The following IQGAP1 variants were observed in gnomAD, a reference collection of about 807,000 sequenced individuals.
The protein encoded by IQGAP1 is IQ motif containing GTPase activating protein 1.
Under a neutral mutation model 215.6 loss-of-function variants are expected in IQGAP1, and 66 were observed. The ratio of observed to expected loss-of-function variants is 0.31; its 90% CI spans 0.25 to 0.38. The LOEUF (loss-of-function observed/expected upper bound fraction) is 0.38, where lower values mean the gene tolerates loss of function less well. IQGAP1 is among the 10% of genes least tolerant of loss of function. IQGAP1 has a pLI of 1.00. For synonymous variants in IQGAP1, 772 were observed against 728.7 expected, an observed-to-expected ratio of 1.06 and a Z score of -0.96; for missense variants, 1,712 against 1,997.1, an observed-to-expected ratio of 0.86 and a Z score of 2.72.
chr15:90,425,138 C>T (rs140958786), intron 2 of IQGAP1, among the ~76,000 whole-genome samples: 2 of 152,044 alleles, frequency 1.3e-5, no homozygotes, highest in African/African-American at 4.8e-5. Context: ...GACGAAGCCC[C>T]GTCTCTACTA....
chr15:90,495,262 A>T (rs1289665659), intron 36 of IQGAP1, among the ~76,000 whole-genome samples: 1 of 152,176 alleles, frequency 6.6e-6, no homozygotes, highest in East Asian at 1.9e-4. Flanking sequence ...TGGACCTGAC[A>T]TGTCATCCTC....
intron 11 of IQGAP1, among the ~76,000 whole-genome samples, 162 bp downstream of exon 11, chr15:90,449,805 G>A (rs573522409): frequency 9.2e-5 from 14 of 152,294 alleles, no homozygotes; most frequent in African/African-American, 3.4e-4. Flanking sequence ...GTTTGTTGTT[G>A]TGGTGGTTTT....
At chr15:90,414,316 C>T (rs1290089526) in intron 2 of IQGAP1, among the ~76,000 whole-genome samples, 1 of 151,968 alleles carries the variant, frequency 6.6e-6, no homozygotes, top group Non-Finnish European at 1.5e-5. Context: ...GAAACCTTGT[C>T]TCCATTATAA....
intron 2 of IQGAP1, 42 bp downstream of exon 2, chr15:90,390,915 C>A: frequency 8.7e-7 from 1 of 1,153,128 alleles, no homozygotes; most frequent in Non-Finnish European, 1.3e-6. Context: ...GAGAAGGGAA[C>A]TGATAATAGT....
chr15:90,493,412 G>T (rs1966232763), intron 35 of IQGAP1, among the ~76,000 whole-genome samples: 1 of 152,162 alleles, frequency 6.6e-6, no homozygotes, highest in Non-Finnish European at 1.5e-5. Context: ...GCTGAGGAAA[G>T]TCTGATCCAG....
At chr15:90,451,219 ACTGT>A (rs1160190437) in intron 11 of IQGAP1, among the ~76,000 whole-genome samples, 2 of 152,094 alleles carry the variant, frequency 1.3e-5, no homozygotes, top group South Asian at 2.1e-4. Context: ...TATTGAAGAG[ACTGT>A]CTGTCTCAGC....
At position 90,471,088 on chromosome 15, in the gene IQGAP1, C is replaced by T. The variant is rs116153186; in HGVS notation, c.2179-1752C>T. On this transcript the variant is annotated intron_variant, in intron 18 of 37. Coordinates refer to ENST00000268182, the MANE Select transcript of IQGAP1 (RefSeq NM_003870.4). ...CCTTTTCCCCACCACCAGGTTTTTG[C>T]CCTTCATTTTGCAGTCCAGAAGTCC... Among the ~76,000 whole-genome samples, 721 of 152,154 alleles carry T rather than the reference C, an allele frequency of 4.7e-3. 7 individuals carry two copies. The highest frequency in any genetic ancestry group is 0.017 in the African/African-American group (707 of 41,498).
At position 90,467,728 on chromosome 15, in the gene IQGAP1, A is replaced by G. The variant is rs559728874; in HGVS notation, c.2178+136A>G. The G allele has an allele frequency of 3.7e-6, 3 of 809,944 alleles. No homozygotes were observed. The Admixed American group carries it at 1.0e-4, about 28-fold the overall frequency. The allele number at this position is 809,944 out of a possible 1,614,324, so 50.2% of individuals were successfully genotyped here. A position where few individuals can be genotyped will look rare whatever the true frequency, so the allele number is the denominator to read the frequency against. ...GTTATGTAATGAGCTGTTTTGCGGT[A>G]ATTTTTTTGTAGTAGTTGGGGGAGT... is the stretch of plus-strand genomic sequence containing the variant. On this transcript the variant is annotated intron_variant, in intron 18 of 37. Coordinates refer to ENST00000268182, the MANE Select transcript of IQGAP1 (RefSeq NM_003870.4).
chr15:90,401,739 T>C (rs935888475), intron 2 of IQGAP1, among the ~76,000 whole-genome samples: 1 of 152,248 alleles, frequency 6.6e-6, no homozygotes, highest in Admixed American at 6.5e-5. Flanking sequence ...TGATCCAGAT[T>C]TCAGGTTTGG....
At chr15:90,418,095 T>A (rs1965078948) in intron 2 of IQGAP1, among the ~76,000 whole-genome samples, 1 of 152,100 alleles carries the variant, frequency 6.6e-6, no homozygotes, top group South Asian at 2.1e-4. Flanking sequence ...TACCAGAGAG[T>A]AATTCCCTTG....
At chr15:90,473,244 CTG>C (rs554130203) in intron 19 of IQGAP1, among the ~76,000 whole-genome samples, 101 of 152,272 alleles carry the variant, frequency 6.6e-4, no homozygotes, top group Middle Eastern at 6.8e-3. Flanking sequence ...TCTTCTAAGA[CTG>C]TACCTTTCTG....
rs1340507279 is a variant in IQGAP1 at position 90,456,212 on chromosome 15, T to G, written c.1673T>G (p.Leu558Arg). 1 of 1,614,150 alleles carries G rather than the reference T, an allele frequency of 6.2e-7. No individual in the cohort carries two copies. The highest frequency in any genetic ancestry group is 8.5e-7 in the Non-Finnish European group (1 of 1,180,008). The stretch of plus-strand genomic sequence containing the variant: ...GATGAAGGTGATGCCCAAAAGACTC[T>G]GCAGGCCCTACAGATTCCTGCAGCT... The part of the protein sequence containing the change: ...ALDEGDAQKT[L>R]QALQIPAAKL... Residue 558 changes from leucine to arginine, a missense_variant, in exon 15 of 38, where the codon CTG (leucine) becomes CGG (arginine). This residue lies in a region of IQGAP1 where 1,021 missense variants were observed against 1,074.2 expected (regional missense o/e 0.95). Coordinates refer to ENST00000268182, the MANE Select transcript of IQGAP1 (RefSeq NM_003870.4).
chr15:90,467,427 A>C lies in IQGAP1; in HGVS notation c.2036-23A>C, dbSNP rs367967352. On this transcript the variant is annotated intron_variant, in intron 17 of 37. Transcript: ENST00000268182. Reference sequence around the variant, plus strand: ...GGGAGTGTGGCTCTGGATGTCTTCTATCTTTCCTTTATTTTCTGCCAGGAG... The same window carrying C: ...GGGAGTGTGGCTCTGGATGTCTTCTCTCTTTCCTTTATTTTCTGCCAGGAG... The C allele has an allele frequency of 1.9e-6, 3 of 1,603,258 alleles. No homozygotes were observed. In the South Asian group the frequency reaches 3.4e-5, roughly 18 times the overall value.
intron 33 of IQGAP1, among the ~76,000 whole-genome samples, chr15:90,489,818 CTTTA>C (rs1966178205): frequency 6.6e-6 from 1 of 152,224 alleles, no homozygotes; most frequent in Admixed American, 6.5e-5. Flanking sequence ...AGGAGCCAGT[CTTTA>C]TTGAGAACCT....
At position 90,470,923 on chromosome 15, in the gene IQGAP1, C is replaced by T. The variant is rs566771456; in HGVS notation, c.2179-1917C>T. On this transcript the variant is annotated intron_variant, in intron 18 of 37. Coordinates refer to ENST00000268182, the MANE Select transcript of IQGAP1 (RefSeq NM_003870.4). The stretch of plus-strand genomic sequence containing the variant: ...AATCTCTCTTGCTACCTTCCTTTCT[C>T]GACCTCTGCTTGAATTATACAAAGA... Among the ~76,000 whole-genome samples the T allele has an allele frequency of 2.6e-5, 4 of 152,136 alleles. No individual in the cohort carries two copies. The South Asian group carries it at 6.2e-4, about 24-fold the overall frequency.
chr15:90,476,770 G>C lies in IQGAP1; in HGVS notation c.2892G>C (p.Glu964Asp). ...QKGGLKALSK[E>D]KREKLEAYQH... is the part of the protein sequence containing the mutation. ...GAGGTCTCAAGGCTTTGAGCAAGGA[G>C]AAGAGAGAGAAGTTGGAAGCTTACC... The change falls in exon 24 of 38, where the codon GAG becomes GAC. Residue 964 changes from glutamate to aspartate, a missense_variant. Glu to Asp is a conservative substitution (Grantham distance 45, BLOSUM62 2). This residue lies in a region of IQGAP1 where 691 missense variants were observed against 923.0 expected (regional missense o/e 0.75). Coordinates refer to ENST00000268182, the MANE Select transcript of IQGAP1 (RefSeq NM_003870.4). 6.2e-7 allele frequency: 1 copy of C among 1,606,490 alleles called. No homozygotes were observed. Among genetic ancestry groups the C allele is most frequent in the Non-Finnish European group, 8.5e-7 (1 of 1,178,408 alleles).
At chr15:90,455,989 C>T (rs556000516) in intron 14 of IQGAP1, among the ~76,000 whole-genome samples, 163 bp from the exon 15 acceptor site, 1 of 152,176 alleles carries the variant, frequency 6.6e-6, no homozygotes, top group East Asian at 1.9e-4. Flanking sequence ...GAAATAAATA[C>T]TAATTAAAAA....
chr15:90,424,861 A>T (rs1452541824), intron 2 of IQGAP1, among the ~76,000 whole-genome samples: 1 of 151,938 alleles, frequency 6.6e-6, no homozygotes, highest in Non-Finnish European at 1.5e-5. Context: ...ATTGAGTGAA[A>T]TAATTTTAAA....
At chr15:90,396,916 G>T (rs77511793) in intron 2 of IQGAP1, among the ~76,000 whole-genome samples, 22,694 of 151,354 alleles carry the variant, frequency 0.15, 1,945 homozygotes, top group South Asian at 0.23. Flanking sequence ...GCAGTGGTGC[G>T]ATCTGGGCTC....
Sources: allele counts gnomAD v4.1 joint callset (sites outside exome capture counted in the v4.1 genomes callset), GRCh38; gene constraint gnomAD v4.1.1; regional missense constraint gnomAD v4.1.1; transcripts MANE v1.5; gene names NCBI Gene and HGNC (gene_info 2026-07-23, HGNC 2026-07-21).